The following MAP3K12 variants were observed in gnomAD, a reference collection of about 807,000 sequenced individuals.
The protein encoded by MAP3K12 is mitogen-activated protein kinase kinase kinase 12, also known as MAPK-upstream kinase.
A neutral mutation model predicts 87.5 loss-of-function variants in MAP3K12; 14 were observed. That is an observed-to-expected ratio of 0.16 (90% CI 0.11 to 0.25). The LOEUF (loss-of-function observed/expected upper bound fraction) is 0.25. MAP3K12 is among the 10% of genes least tolerant of loss of function. MAP3K12 has a pLI of 1.00. For missense variants in MAP3K12, 802 were observed against 1,140.4 expected (o/e 0.70, Z 4.27); for synonymous variants, 469 against 452.5 (o/e 1.04, Z -0.46).
Position 53,483,901 on chromosome 12 carries a change from G to A in MAP3K12, c.1358+10C>T, listed in dbSNP as rs75961802. On this transcript the variant is annotated intron_variant, in intron 8 of 13. Coordinates refer to ENST00000547488, the MANE Select transcript of MAP3K12 (RefSeq NM_001193511.2). ...TTAGTAAAATCACCTCCCCAAGCAC[G>A]GGAACTCACCTGAGCTCCTCCCTCC... The A allele has an allele frequency of 2.7e-3, 4,318 of 1,611,924 alleles. 72 individuals carry two copies. The African/African-American group carries it at 0.044, about 17-fold the overall frequency.
At position 53,483,953 on chromosome 12, in the gene MAP3K12, C is replaced by T. The variant is rs1443883051; in HGVS notation, c.1316G>A (p.Arg439His). 2 of 1,614,054 alleles carry T rather than the reference C, an allele frequency of 1.2e-6. No homozygotes were observed. Among genetic ancestry groups the T allele is most frequent in the Non-Finnish European group, 1.7e-6 (2 of 1,180,030 alleles). The part of the protein sequence containing the change: ...KIKSEGTCLH[R>H]LEEELVMRRR... ...CCTCATCACCAGTTCCTCTTCTAGG[C>T]GGTGCAGACAGGTCCCTTCTGACTT... Residue 439 changes from arginine to histidine, a missense_variant, in exon 8 of 14, where the codon CGC (arginine) becomes CAC (histidine). Coordinates refer to ENST00000547488, the MANE Select transcript of MAP3K12 (RefSeq NM_001193511.2).
chr12:53,489,828 A>G (rs1347545123), intron 1 of MAP3K12, among the ~76,000 whole-genome samples: 1 of 152,140 alleles, frequency 6.6e-6, no homozygotes, highest in Non-Finnish European at 1.5e-5. Context: ...TGGAATCAGC[A>G]TATTTAACAA....
chr12:53,490,025 AG>A (rs1233800852), intron 1 of MAP3K12, among the ~76,000 whole-genome samples: 1 of 152,144 alleles, frequency 6.6e-6, no homozygotes, highest in Admixed American at 6.6e-5. Flanking sequence ...ATTGGGGGCC[AG>A]GTGTGGTGGC....
At position 53,480,534 on chromosome 12, in the gene MAP3K12, G is replaced by A. The variant is rs1942980688; in HGVS notation, c.*648C>T. On this transcript the variant is annotated 3_prime_UTR_variant, in exon 14 of 14. Coordinates refer to ENST00000547488, the MANE Select transcript of MAP3K12 (RefSeq NM_001193511.2). ...TTATATTTCAAGGTTTTTCACAGGG[G>A]TTACAGTAGGACAGTCCCCACCCCA... is the stretch of plus-strand genomic sequence containing the variant. 6.6e-6 allele frequency: 1 copy of A among 152,542 alleles called. No individual in the cohort carries two copies. Among genetic ancestry groups the A allele is most frequent in the South Asian group, 2.1e-4 (1 of 4,830 alleles). The allele number at this position is 152,542 out of a possible 1,614,324, so 9.4% of individuals were successfully genotyped here. A position where few individuals can be genotyped will look rare whatever the true frequency, so the allele number is the denominator to read the frequency against.
At chr12:53,496,629 A>G (rs1943554863) in intron 1 of MAP3K12, among the ~76,000 whole-genome samples, 2 of 152,220 alleles carry the variant, frequency 1.3e-5, no homozygotes, top group South Asian at 4.1e-4. Flanking sequence ...AAGAATAAAT[A>G]CCAAAGTATA....
At position 53,497,468 on chromosome 12, in the gene MAP3K12, G is replaced by C. The variant is rs1243214049; in HGVS notation, c.-38+1959C>G. On this transcript the variant is annotated intron_variant, in intron 1 of 13. Transcript: ENST00000547488. The stretch of plus-strand genomic sequence containing the variant: ...TGATCTTTAGCCTCCTCTGGAATCT[G>C]GTCACTGTCACAGTCTCCTCACCTT... Among the ~76,000 whole-genome samples, 4 of 152,264 alleles carry C rather than the reference G, an allele frequency of 2.6e-5. No homozygotes were observed. In the East Asian group the frequency reaches 7.7e-4, roughly 29 times the overall value.
chr12:53,494,198 G>A (rs894442372), intron 1 of MAP3K12, among the ~76,000 whole-genome samples: 1 of 152,366 alleles, frequency 6.6e-6, no homozygotes, highest in African/African-American at 2.4e-5. Context: ...CACCCTGGGG[G>A]AGGGTAGCTG....
upstream of MAP3K12, chr12:53,501,091 A>C: frequency 2.5e-6 from 1 of 405,902 alleles, no homozygotes; most frequent in Non-Finnish European, 4.5e-6. Context: ...GGGGGCGCGG[A>C]AGGAAGGAGG....
At chr12:53,500,502 C>G (rs867400754), upstream of MAP3K12, 18 of 152,216 alleles carry the variant, frequency 1.2e-4, no homozygotes, top group African/African-American at 3.9e-4. Context: ...TAGAGCGGTT[C>G]TAAAAAGGTT....
At chr12:53,494,050 A>G (rs965098160) in intron 1 of MAP3K12, among the ~76,000 whole-genome samples, 2 of 152,082 alleles carry the variant, frequency 1.3e-5, no homozygotes, top group Non-Finnish European at 2.9e-5. Flanking sequence ...CTCTCCCAAC[A>G]CACACACACA....
Position 53,481,255 on chromosome 12 carries a change from T to G in MAP3K12, c.2606A>C (p.Asp869Ala). 6.4e-7 allele frequency: 1 copy of G among 1,565,514 alleles called. No individual in the cohort carries two copies. The highest frequency in any genetic ancestry group is 8.6e-7 in the Non-Finnish European group (1 of 1,156,382). The change falls in exon 14 of 14, where the codon GAC (aspartate) becomes GCC (alanine). Residue 869 changes from aspartate to alanine, a missense_variant. Asp to Ala is a moderately radical substitution (Grantham distance 126, BLOSUM62 -2). Transcript: ENST00000547488. ...GTTGTCCAATTCAGTGCTGTCACAGTCTGAGTCCTCAGAATTGGGAGGGCC... is the reference window on the plus strand; with the variant it reads ...GTTGTCCAATTCAGTGCTGTCACAGGCTGAGTCCTCAGAATTGGGAGGGCC... ...ERGPPNSEDS[D>A]CDSTELDNSN...
Position 53,482,130 on chromosome 12 carries a change from A to G in MAP3K12, c.2391T>C (p.Ala797=), listed in dbSNP as rs1317089375. The G allele has an allele frequency of 6.2e-7, 1 of 1,614,064 alleles. No individual in the cohort carries two copies. Among genetic ancestry groups the G allele is most frequent in the Non-Finnish European group, 8.5e-7 (1 of 1,180,040 alleles). Residue 797 remains alanine, a synonymous_variant, in exon 13 of 14, where the codon GCT becomes GCC. Coordinates refer to ENST00000547488, the MANE Select transcript of MAP3K12 (RefSeq NM_001193511.2). ...GTGTGCCACTGGGGGAAGGTTCACTAGCTGTGCCTTCCTCCCCATCTGATG... is the reference window on the plus strand; with the variant it reads ...GTGTGCCACTGGGGGAAGGTTCACTGGCTGTGCCTTCCTCCCCATCTGATG... ...ENPSDGEEGT[A]SEPSPSGTPE...
chr12:53,491,774 A>T (rs1943414310), intron 1 of MAP3K12, among the ~76,000 whole-genome samples: 2 of 146,488 alleles, frequency 1.4e-5, no homozygotes, highest in Admixed American at 1.3e-4. Flanking sequence ...GGCCATAGCT[A>T]TTAAGAAGCT....
Position 53,482,824 on chromosome 12 carries a change from C to A in MAP3K12, c.1979G>T (p.Gly660Val). 2 of 1,611,016 alleles carry A rather than the reference C, an allele frequency of 1.2e-6. No individual in the cohort carries two copies. The highest frequency in any genetic ancestry group is 1.7e-6 in the Non-Finnish European group (2 of 1,178,098). The change falls in exon 11 of 14, where the codon GGC (glycine) becomes GTC (valine). Residue 660 changes from glycine (G) to valine (V), a missense_variant. Physicochemically the swap from Gly to Val is moderately radical, Grantham distance 109. Coordinates refer to ENST00000547488, the MANE Select transcript of MAP3K12 (RefSeq NM_001193511.2). ...ALGSRGRGATGGAGDPGSPPP... is the reference protein window; with the variant it reads ...ALGSRGRGATVGAGDPGSPPP... Reference sequence around the variant, plus strand: ...TGGTGAGCCAGGATCCCCAGCTCCGCCTGTGGCCCCCCGGCCCCGGGACCC... The same window carrying A: ...TGGTGAGCCAGGATCCCCAGCTCCGACTGTGGCCCCCCGGCCCCGGGACCC...
intron 6 of MAP3K12, 80 bp from the exon 7 acceptor site, chr12:53,484,445 T>C (rs1747776752): frequency 9.8e-7 from 1 of 1,016,632 alleles, no homozygotes; most frequent in African/African-American, 1.6e-5. Context: ...TTTCCCAAAG[T>C]GTGTCCTGGA....
chr12:53,499,355 C>T (rs922052902), intron 1 of MAP3K12, 72 bp downstream of exon 1: 2 of 152,852 alleles, frequency 1.3e-5, no homozygotes, highest in African/African-American at 4.8e-5. Context: ...CCGACCCTCC[C>T]TCCACGCCCG....
chr12:53,491,796 G>T (rs1039083026), intron 1 of MAP3K12, among the ~76,000 whole-genome samples: 3 of 151,132 alleles, frequency 2.0e-5, no homozygotes, highest in Non-Finnish European at 4.4e-5. Flanking sequence ...AAGCTCTGCT[G>T]GGCGCAGTGG....
chr12:53,487,704 T>C (rs1943270656), intron 1 of MAP3K12: 1 of 340,616 alleles, frequency 2.9e-6, no homozygotes, highest in African/African-American at 2.1e-5. Context: ...CAGCCCCACG[T>C]GGGTACACAC....
chr12:53,492,158 G>A (rs1201507042), intron 1 of MAP3K12, among the ~76,000 whole-genome samples: 1 of 152,082 alleles, frequency 6.6e-6, no homozygotes, highest in Non-Finnish European at 1.5e-5. Context: ...CTCTATCCAG[G>A]TGTCACTTTA....
Sources: allele counts gnomAD v4.1 joint callset (sites outside exome capture counted in the v4.1 genomes callset), GRCh38; gene constraint gnomAD v4.1.1; transcripts MANE v1.5; gene names NCBI Gene and HGNC (gene_info 2026-07-23, HGNC 2026-07-21).